Variants in TOP1 observed in about 807,000 individuals in gnomAD.
TOP1 encodes DNA topoisomerase 1.
TOP1 carries 10 observed loss-of-function variants against 111.1 expected under a neutral mutation model. That is an observed-to-expected ratio of 0.09 (90% CI 0.06 to 0.15). The LOEUF (loss-of-function observed/expected upper bound fraction) is 0.15, where lower values mean the gene tolerates loss of function less well. Ranked by LOEUF, TOP1 falls within the 10% of genes least tolerant of loss-of-function variation. TOP1 has a pLI of 1.00. For synonymous variants in TOP1, 271 were observed against 302.9 expected, an observed-to-expected ratio of 0.89 and a Z score of 1.10; for missense variants, 474 against 926.7, an observed-to-expected ratio of 0.51 and a Z score of 6.34.
At chr20:41,040,242 C>G (rs1478451057) in intron 2 of TOP1, among the ~76,000 whole-genome samples, 1 of 152,178 alleles carries the variant, frequency 6.6e-6, no homozygotes, top group East Asian at 1.9e-4. Flanking sequence ...GAGAAAGATG[C>G]AGAGTACATA....
chr20:41,072,436 T>C (rs1011482670), intron 3 of TOP1: 1 of 985,412 alleles, frequency 1.0e-6, no homozygotes, highest in African/African-American at 1.7e-5. Flanking sequence ...AAGACATACA[T>C]GTTAGAAAAT....
At chr20:41,064,560 T>C (rs1489743818) in intron 3 of TOP1, among the ~76,000 whole-genome samples, 2 of 152,222 alleles carry the variant, frequency 1.3e-5, no homozygotes, top group Middle Eastern at 3.2e-3. Context: ...TATTTGGTCT[T>C]GTGAACTTCT....
chr20:41,075,294 C>T (rs191636746), intron 3 of TOP1, among the ~76,000 whole-genome samples: 1,767 of 152,278 alleles, frequency 0.012, 19 homozygotes, highest in Middle Eastern at 0.051. Flanking sequence ...GCCTCAGCCT[C>T]CCGAGTAGCT....
Position 41,032,952 on chromosome 20 carries a change from A to G in TOP1, c.58+3497A>G, listed in dbSNP as rs932172210. Among the ~76,000 whole-genome samples, 8 of 152,190 alleles carry G rather than the reference A, an allele frequency of 5.3e-5. No homozygotes were observed. The highest frequency in any genetic ancestry group is 1.9e-4 in the African/African-American group (8 of 41,446). ...CAGCATCCTCAGACTCAATCAGGAA[A>G]TACTTAAGCATTATGCTCCAGGGTG... is the stretch of plus-strand genomic sequence containing the variant. On this transcript the variant is annotated intron_variant, in intron 2 of 20. Transcript: ENST00000361337. This position sits in a 1 kb window ranked among gnomAD's most constrained non-coding sequence, Gnocchi z 4.3.
intron 18 of TOP1, among the ~76,000 whole-genome samples, chr20:41,119,444 G>A (rs2034387220): frequency 6.6e-6 from 1 of 152,154 alleles, no homozygotes; most frequent in African/African-American, 2.4e-5. Context: ...GTGAGACCCT[G>A]TCTGTATTAA....
rs1363354119 is a variant in TOP1, at chr20:41,061,445, A to T, written c.110A>T (p.Glu37Val). 1.2e-6 allele frequency: 2 copies of T among 1,613,378 alleles called. No homozygotes were observed. The highest frequency in any genetic ancestry group is 1.7e-6 in the Non-Finnish European group (2 of 1,179,680). Residue 37 changes from glutamate to valine, a missense_variant, in exon 3 of 21, where the codon GAA becomes GTA. By Grantham distance (121) the Glu-to-Val change is moderately radical (BLOSUM62 -2). Coordinates refer to ENST00000361337, the MANE Select transcript of TOP1 (RefSeq NM_003286.4). The surrounding 1 kb of genome is among the most constrained non-coding windows in gnomAD (Gnocchi z 4.6). ...KHKDREHRHK[E>V]HKKEKDREKS... is the part of the protein sequence containing the mutation. Reference sequence around the variant, plus strand: ...AAAGATCGAGAACACCGGCACAAAGAACACAAGAAGGAGAAGGACCGGGAA... The same window carrying T: ...AAAGATCGAGAACACCGGCACAAAGTACACAAGAAGGAGAAGGACCGGGAA...
rs201431245 is a variant in TOP1 at position 41,098,189 on chromosome 20, T to G, written c.853-26T>G. The G allele has an allele frequency of 1.2e-6, 2 of 1,612,836 alleles. No individual in the cohort carries two copies. Among genetic ancestry groups the G allele is most frequent in the Admixed American group, 1.7e-5 (1 of 60,002 alleles). ...TTAGTGTATTTTCGTTGTTTTTCTT[T>G]CATCTCCCCATTTTCTTTTGACTAG... On this transcript the variant is annotated intron_variant, in intron 10 of 20. Transcript: ENST00000361337. The surrounding 1 kb of genome is among the most constrained non-coding windows in gnomAD (Gnocchi z 5.7).
At chr20:41,085,117 A>G (rs1021435993) in intron 8 of TOP1, among the ~76,000 whole-genome samples, 1 of 152,164 alleles carries the variant, frequency 6.6e-6, no homozygotes, top group Non-Finnish European at 1.5e-5. Context: ...AAATATTTGC[A>G]ATACAAAGGG....
chr20:41,103,988 C>T (rs1024582435), intron 13 of TOP1, among the ~76,000 whole-genome samples: 16 of 152,098 alleles, frequency 1.1e-4, no homozygotes, highest in Admixed American at 3.3e-4. Flanking sequence ...GTGTGATTTA[C>T]ATATAATGCC....
chr20:41,110,236 G>T lies in TOP1; in HGVS notation c.1309-2546G>T, dbSNP rs2034213840. ...AGGGGTAGAGGTTGCACTGAGCCGA[G>T]ATTGCATCACTGTACTCCAGCCTGG... On this transcript the variant is annotated intron_variant, in intron 13 of 20. Transcript: ENST00000361337. The surrounding 1 kb of genome is among the most constrained non-coding windows in gnomAD (Gnocchi z 4.2). Among the ~76,000 whole-genome samples the T allele has an allele frequency of 1.3e-5, 2 of 152,118 alleles. No homozygotes were observed. The highest frequency in any genetic ancestry group is 4.8e-5 in the African/African-American group (2 of 41,402).
intron 2 of TOP1, among the ~76,000 whole-genome samples, chr20:41,057,294 A>G (rs1011720461): frequency 5.3e-5 from 8 of 151,296 alleles, no homozygotes; most frequent in Admixed American, 4.6e-4. Context: ...AGGCAGGAGA[A>G]TTGCTTGAAC....
In TOP1 at chr20:41,046,006, C is replaced by G. The variant is rs1055177880; in HGVS notation, c.59-15388C>G. On this transcript the variant is annotated intron_variant, in intron 2 of 20. Transcript: ENST00000361337. The surrounding 1 kb of genome is among the most constrained non-coding windows in gnomAD (Gnocchi z 4.3). ...CTTTGACCACTATGAGGACCACTGTCATATAAGGTCTTAGATACCAACTTG... is the reference window on the plus strand; with the variant it reads ...CTTTGACCACTATGAGGACCACTGTGATATAAGGTCTTAGATACCAACTTG... 2.5e-4 allele frequency among the ~76,000 whole-genome samples: 38 copies of G among 152,172 alleles called. No homozygotes were observed. Among genetic ancestry groups the G allele is most frequent in the African/African-American group, 8.7e-4 (36 of 41,452 alleles).
rs1382881829 is a variant in TOP1 at position 41,028,992 on chromosome 20, CCGCACAG to C, written c.-75_-69del. On this transcript the variant is annotated 5_prime_UTR_variant, in exon 1 of 21. Transcript: ENST00000361337. ...TCGAGCCTCCGGAGTCCCCGTCCGCCCGCACAGGCCGGTTCGCCGTCTGCGTCTCCCC... is the reference window on the plus strand; with the variant it reads ...TCGAGCCTCCGGAGTCCCCGTCCGCCGCCGGTTCGCCGTCTGCGTCTCCCC... The C allele has an allele frequency of 3.0e-6, 4 of 1,346,084 alleles. No homozygotes were observed. In the South Asian group the frequency reaches 3.8e-5, roughly 13 times the overall value. 83.4% of individuals were successfully genotyped at this position (1,346,084 alleles called of 1,614,324 possible). A position where few individuals can be genotyped will look rare whatever the true frequency, so the allele number is the denominator to read the frequency against.
chr20:41,051,437 A>AC (rs1168644868), intron 2 of TOP1, among the ~76,000 whole-genome samples: 2 of 152,218 alleles, frequency 1.3e-5, no homozygotes, highest in Admixed American at 1.3e-4. Flanking sequence ...ATAGTTGATA[A>AC]AACAGTCAGT....
intron 3 of TOP1, among the ~76,000 whole-genome samples, chr20:41,062,559 T>G (rs774823062): frequency 3.3e-4 from 51 of 152,308 alleles, no homozygotes; most frequent in Admixed American, 9.2e-4. Context: ...CTACATCTTT[T>G]CTAGTTTATA....
chr20:41,084,282 C>T (rs138144606), intron 7 of TOP1, among the ~76,000 whole-genome samples, 180 bp from the exon 8 acceptor site: 1 of 151,990 alleles, frequency 6.6e-6, no homozygotes, highest in Non-Finnish European at 1.5e-5. Context: ...TTAGGAAATA[C>T]TGCTGTAGAA....
At chr20:41,045,010 A>T (rs1026098001) in intron 2 of TOP1, among the ~76,000 whole-genome samples, 1 of 151,484 alleles carries the variant, frequency 6.6e-6, no homozygotes, top group African/African-American at 2.4e-5. Flanking sequence ...TTTGTGTCAA[A>T]CTCCTGGCCT....
chr20:41,029,619 T>G lies in TOP1; in HGVS notation c.58+164T>G. On this transcript the variant is annotated intron_variant, in intron 2 of 20. Transcript: ENST00000361337. The surrounding 1 kb of genome is among the most constrained non-coding windows in gnomAD (Gnocchi z 6.1). ...CCCATCGGGCCGCCTCTTGACCCCC[T>G]TTCCGGGGACCCCAGCTCCTCCAGA... The G allele has an allele frequency of 1.5e-6, 1 of 679,774 alleles. No homozygotes were observed. 42.1% of individuals were successfully genotyped at this position (679,774 alleles called of 1,614,324 possible). A position where few individuals can be genotyped will look rare whatever the true frequency, so the allele number is the denominator to read the frequency against.
In TOP1 at chr20:41,122,277, C is replaced by G. The variant is rs2034435495; in HGVS notation, c.2195+122C>G. The G allele has an allele frequency of 9.6e-7, 1 of 1,036,330 alleles. No homozygotes were observed. Among genetic ancestry groups the G allele is most frequent in the African/African-American group, 1.6e-5 (1 of 62,258 alleles). The allele number at this position is 1,036,330 out of a possible 1,614,324, so 64.2% of individuals were successfully genotyped here. ...TACACACTTTAGTCCTCTGGGGAAA[C>G]TTCTGGCTTCAGCTGTGTACAAGTT... On this transcript the variant is annotated intron_variant, in intron 20 of 20. Transcript: ENST00000361337. The surrounding 1 kb of genome is among the most constrained non-coding windows in gnomAD (Gnocchi z 5.4).
Sources: allele counts gnomAD v4.1 joint callset (sites outside exome capture counted in the v4.1 genomes callset), GRCh38; gene constraint gnomAD v4.1.1; non-coding constraint Gnocchi (gnomAD v3.1); transcripts MANE v1.5; gene names NCBI Gene and HGNC (gene_info 2026-07-23, HGNC 2026-07-21).